The following WNT9B variants were observed in gnomAD, a reference collection of about 807,000 sequenced individuals.
The protein encoded by WNT9B is protein Wnt-9b.
In WNT9B, 12 loss-of-function variants were observed where a neutral mutation model predicts 30.2. That is an observed-to-expected ratio of 0.40 (90% CI 0.26 to 0.64). WNT9B has a LOEUF of 0.64. WNT9B is among the 30% of genes least tolerant of loss of function. The probability of loss-of-function intolerance (pLI) is 0.42; values close to 1 mark genes in which losing one functional copy is unlikely to be tolerated. For synonymous variants in WNT9B, 218 were observed against 216.9 expected (o/e 1.01, Z -0.05); for missense variants, 442 against 485.2 (o/e 0.91, Z 0.84).
At chr17:46,857,656 T>C (rs920755390) in intron 1 of WNT9B, among the ~76,000 whole-genome samples, 7 of 152,100 alleles carry the variant, frequency 4.6e-5, no homozygotes, top group African/African-American at 1.4e-4. Context: ...ACTTATAGAA[T>C]TGGCATTTTT....
intron 1 of WNT9B, among the ~76,000 whole-genome samples, chr17:46,837,195 C>G (rs895167093): frequency 6.6e-6 from 1 of 152,062 alleles, no homozygotes; most frequent in African/African-American, 2.4e-5. Context: ...CCCGCCGCGG[C>G]CCCCCAAAGT....
Position 46,876,465 on chromosome 17 carries a change from TG to T in WNT9B, c.823del (p.Ala275ProfsTer171), listed in dbSNP as rs1241086736. Reference sequence around the variant, plus strand: ...AGGCAGGGCAGCCTCACCAAAGGCCTGGCCCCAAGGTCTGGGGACCTGGTGT... The same window carrying T: ...AGGCAGGGCAGCCTCACCAAAGGCCTGCCCCAAGGTCTGGGGACCTGGTGT... ...PARQGSLTKG[L>X]APRSGDLVYM... On this transcript the variant is annotated frameshift_variant, in exon 4 of 4. Coordinates refer to ENST00000290015, the MANE Select transcript of WNT9B (RefSeq NM_003396.3). LOFTEE classifies it high-confidence loss of function. 1 of 1,613,682 alleles carries T rather than the reference TG, an allele frequency of 6.2e-7. No individual in the cohort carries two copies. The highest frequency in any genetic ancestry group is 1.1e-5 in the South Asian group (1 of 91,090).
upstream of WNT9B, among the ~76,000 whole-genome samples, chr17:46,847,545 C>A (rs977986656): frequency 8.5e-5 from 13 of 152,192 alleles, no homozygotes; most frequent in African/African-American, 2.9e-4. Context: ...GGCCAGGTCA[C>A]CTGGAGGATG....
At chr17:46,859,069 C>T (rs959068265) in intron 1 of WNT9B, among the ~76,000 whole-genome samples, 4 of 150,924 alleles carry the variant, frequency 2.7e-5, no homozygotes, top group African/African-American at 7.3e-5. Flanking sequence ...CTCCACCTCC[C>T]GGGTTCAAGT....
chr17:46,833,416 C>T, exon 1 of WNT9B: 1 of 517,586 alleles, frequency 1.9e-6, no homozygotes, highest in South Asian at 1.4e-5. Flanking sequence ...GGGAGCCTTA[C>T]CAGCCCTCTA....
intron 1 of WNT9B, among the ~76,000 whole-genome samples, chr17:46,867,334 C>T (rs1166263495): frequency 6.6e-6 from 1 of 152,268 alleles, no homozygotes; most frequent in African/African-American, 2.4e-5. Flanking sequence ...GGTAGCACAA[C>T]TAGGAAGAGG....
chr17:46,881,184 T>A (rs1203710939), downstream of WNT9B, among the ~76,000 whole-genome samples: 1 of 152,182 alleles, frequency 6.6e-6, no homozygotes, highest in African/African-American at 2.4e-5. Context: ...CTGCCCCAGT[T>A]CTTCAGCCCT....
upstream of WNT9B, among the ~76,000 whole-genome samples, chr17:46,847,300 C>T (rs1051524154): frequency 6.6e-6 from 1 of 152,228 alleles, no homozygotes; most frequent in African/African-American, 2.4e-5. Flanking sequence ...TCAAGTCTTC[C>T]ATCCCCGAGA....
chr17:46,870,466 A>G (rs2085221571), intron 1 of WNT9B, among the ~76,000 whole-genome samples: 1 of 152,172 alleles, frequency 6.6e-6, no homozygotes, highest in Admixed American at 6.5e-5. Flanking sequence ...CCCCCAGATT[A>G]ATGATTAACG....
chr17:46,859,914 A>AG (rs1226568170), intron 1 of WNT9B, among the ~76,000 whole-genome samples: 52 of 152,362 alleles, frequency 3.4e-4, no homozygotes, highest in African/African-American at 7.5e-4. Context: ...ATTTAAAAAA[A>AG]GAAATTCTTC....
intron 1 of WNT9B, among the ~76,000 whole-genome samples, chr17:46,834,108 T>A (rs1316777570): frequency 6.6e-6 from 1 of 151,984 alleles, no homozygotes; most frequent in Non-Finnish European, 1.5e-5. Context: ...GGGGAGAGGA[T>A]TGCTTGAGCC....
chr17:46,883,104 G>A (rs984161739), downstream of WNT9B, among the ~76,000 whole-genome samples: 29 of 151,622 alleles, frequency 1.9e-4, no homozygotes, highest in African/African-American at 5.3e-4. Context: ...TCAGCCTCCC[G>A]AGTAGCTGGG....
intron 1 of WNT9B, among the ~76,000 whole-genome samples, chr17:46,857,458 G>C (rs1029336121): frequency 1.5e-5 from 2 of 129,906 alleles, no homozygotes; most frequent in Admixed American, 8.7e-5. Context: ...CTGGGCAACA[G>C]AGCAAGACTC....
intron 1 of WNT9B, among the ~76,000 whole-genome samples, chr17:46,868,234 C>G (rs1209474539): frequency 1.3e-5 from 2 of 152,154 alleles, no homozygotes; most frequent in Non-Finnish European, 2.9e-5. Context: ...AGTTCAGAAC[C>G]CTGGTTACTT....
intron 1 of WNT9B, among the ~76,000 whole-genome samples, chr17:46,833,720 G>T (rs117740527): frequency 6.6e-6 from 1 of 152,168 alleles, no homozygotes; most frequent in Admixed American, 6.5e-5. Flanking sequence ...TGTTTCCCAC[G>T]TGAGTGAGCG....
Position 46,851,648 on chromosome 17 carries a change from C to G in WNT9B, c.10C>G (p.Pro4Ala), listed in dbSNP as rs1170711309. The G allele has an allele frequency of 7.8e-7, 1 of 1,282,560 alleles. No individual in the cohort carries two copies. Among genetic ancestry groups the G allele is most frequent in the Non-Finnish European group, 9.8e-7 (1 of 1,019,526 alleles). The allele number at this position is 1,282,560 out of a possible 1,614,324, so 79.4% of individuals were successfully genotyped here. Residue 4 changes from proline (P) to alanine (A), a missense_variant, in exon 1 of 4, where the codon CCG becomes GCG. Coordinates refer to ENST00000290015, the MANE Select transcript of WNT9B (RefSeq NM_003396.3). The surrounding 1 kb of genome is among the most constrained non-coding windows in gnomAD (Gnocchi z 4.3). ...CAGCGCCGCCAGCACCATGCGCCCC[C>G]CGCCCGCGCTGGCCCTGGCCGGGCT... MRP[P>A]PALALAGLCL... is the part of the protein sequence containing the mutation.
At chr17:46,873,117 C>CTT (rs2085282515) in intron 2 of WNT9B, among the ~76,000 whole-genome samples, 1 of 151,758 alleles carries the variant, frequency 6.6e-6, no homozygotes, top group Non-Finnish European at 1.5e-5. Flanking sequence ...CACACACACA[C>CTT]ACACACACAC....
chr17:46,862,470 T>C (rs1450741016), intron 1 of WNT9B, among the ~76,000 whole-genome samples: 2 of 152,208 alleles, frequency 1.3e-5, no homozygotes, highest in Non-Finnish European at 1.5e-5. Flanking sequence ...AAAAAACTTG[T>C]AGTTTTCTGA....
rs2084732620 is a variant in WNT9B, at chr17:46,842,897, A to C, written c.95+9457A>C. On this transcript the variant is annotated intron_variant, in intron 1 of 2. Coordinates refer to the WNT9B transcript ENST00000575372. ...CATTTCTCACCACTGTTCTGTGAGG[A>C]AGGTGGACAGGGAGTGTTGTATCCA... Among the ~76,000 whole-genome samples, 7 of 152,252 alleles carry C rather than the reference A, an allele frequency of 4.6e-5. No homozygotes were observed. In the South Asian group the frequency reaches 1.4e-3, roughly 32 times the overall value.
Sources: gnomAD v4.1 joint callset for allele counts (sites outside exome capture counted in the v4.1 genomes callset) on GRCh38, gnomAD v4.1.1 for gene constraint, Gnocchi (gnomAD v3.1) non-coding constraint, MANE v1.5 for transcripts, NCBI Gene and HGNC (gene_info 2026-07-23, HGNC 2026-07-21) for gene names.